Variants in SKOR1 observed in about 807,000 individuals in gnomAD.
The protein encoded by SKOR1 is SKI family transcriptional corepressor 1, also known as LBX1 corepressor 1.
In SKOR1, 38 loss-of-function variants were observed where a neutral mutation model predicts 72.4. The ratio of observed to expected loss-of-function variants is 0.52; its 90% confidence interval spans 0.40 to 0.69. The LOEUF (loss-of-function observed/expected upper bound fraction) is 0.69. Among genes scored for constraint, SKOR1 ranks in the 30% least tolerant of loss-of-function variants. The pLI is 0.00. For synonymous variants in SKOR1, 642 were observed against 599.4 expected, an observed-to-expected ratio of 1.07 and a Z score of -1.04; for missense variants, 1,320 against 1,343.2, an observed-to-expected ratio of 0.98 and a Z score of 0.27.
At chr15:67,829,028 C>A in intron 2 of SKOR1, 151 bp from the exon 3 acceptor site, 4 of 645,850 alleles carry the variant, frequency 6.2e-6, no homozygotes, top group South Asian at 6.1e-5. Flanking sequence ...AAGGGTGCGC[C>A]GCGTGCGTCA....
intron 2 of SKOR1, 44 bp downstream of exon 2, chr15:67,828,188 C>T (rs1332967874): frequency 1.4e-6 from 2 of 1,394,432 alleles, no homozygotes; most frequent in African/African-American, 3.1e-5. Flanking sequence ...TCCCACCTAC[C>T]CTGTGCGCGG....
chr15:67,827,775 C>G lies in SKOR1; in HGVS notation c.1947C>G (p.Ala649=). The G allele has an allele frequency of 6.4e-7, 1 of 1,559,882 alleles. No individual in the cohort carries two copies. Among genetic ancestry groups the G allele is most frequent in the Non-Finnish European group, 8.7e-7 (1 of 1,151,866 alleles). ...LSEGSSSYNS[A]SPDVDTADEP... is the part of the protein sequence containing the mutation. ...AGGGCAGCTCCAGCTACAATTCCGC[C>G]TCGCCCGACGTGGACACCGCGGACG... Residue 649 remains alanine, a synonymous_variant, in exon 2 of 9, where the codon GCC becomes GCG. Coordinates refer to ENST00000380035, the MANE Select transcript of SKOR1 (RefSeq NM_001365915.1).
intron 5 of SKOR1, among the ~76,000 whole-genome samples, chr15:67,831,867 A>T (rs2091009648): frequency 7.1e-6 from 1 of 140,734 alleles, no homozygotes; most frequent in African/African-American, 2.6e-5. Context: ...GGCTCTGACC[A>T]AAGCCTCCCT....
Position 67,830,874 on chromosome 15 carries a change from G to C in SKOR1, c.2572G>C (p.Glu858Gln), listed in dbSNP as rs1197821465. ...TGTHLVEKDI[E>Q]NLAREELQKL... Reference sequence around the variant, plus strand: ...AACTCATTTGGTGGAGAAAGATATCGAGAACCTGGCCAGAGGTGAGGATAA... The same window carrying C: ...AACTCATTTGGTGGAGAAAGATATCCAGAACCTGGCCAGAGGTGAGGATAA... The change falls in exon 5 of 9, where the codon GAG (glutamate) becomes CAG (glutamine). Residue 858 changes from glutamate (E) to glutamine (Q), a missense_variant. Physicochemically the swap from Glu to Gln is conservative, Grantham distance 29. Coordinates refer to ENST00000380035, the MANE Select transcript of SKOR1 (RefSeq NM_001365915.1). 1 of 1,614,152 alleles carries C rather than the reference G, an allele frequency of 6.2e-7. No homozygotes were observed. The highest frequency in any genetic ancestry group is 8.5e-7 in the Non-Finnish European group (1 of 1,180,018).
chr15:67,828,194 C>G, intron 2 of SKOR1, 50 bp downstream of exon 2: 5 of 1,380,274 alleles, frequency 3.6e-6, no homozygotes, highest in Non-Finnish European at 4.6e-6. Flanking sequence ...CTACCCTGTG[C>G]GCGGCAGGGC....
Position 67,826,146 on chromosome 15 carries a change from C to T in SKOR1, c.318C>T (p.Thr106=). 1 of 1,607,968 alleles carries T rather than the reference C, an allele frequency of 6.2e-7. No homozygotes were observed. The highest frequency in any genetic ancestry group is 8.5e-7 in the Non-Finnish European group (1 of 1,175,482). Residue 106 remains threonine, a synonymous_variant, in exon 2 of 9, where the codon ACC becomes ACT. Transcript: ENST00000380035. ...TATGCCTGGCGCAGATCTCCAACAC[C>T]CTCCTCAAGAACTACAGCTATAATG... ...ERLCLAQISN[T]LLKNYSYNEI... is the part of the protein sequence containing the mutation.
At position 67,827,452 on chromosome 15, in the gene SKOR1, G is replaced by A. The variant is rs1209882351; in HGVS notation, c.1624G>A (p.Ala542Thr). 1.3e-6 allele frequency: 2 copies of A among 1,522,570 alleles called. No homozygotes were observed. The highest frequency in any genetic ancestry group is 5.1e-5 in the East Asian group (2 of 39,374). 94.3% of individuals were successfully genotyped at this position (1,522,570 alleles called of 1,614,324 possible). A position where few individuals can be genotyped will look rare whatever the true frequency, so the allele number is the denominator to read the frequency against. The change falls in exon 2 of 9, where the codon GCC (alanine) becomes ACC (threonine). Residue 542 changes from alanine (A) to threonine (T), a missense_variant. By Grantham distance (58) the Ala-to-Thr change is moderately conservative (BLOSUM62 0). Coordinates refer to ENST00000380035, the MANE Select transcript of SKOR1 (RefSeq NM_001365915.1). The part of the protein sequence containing the change: ...APEPLDGAEP[A>T]KESGLGAEER... ...AGAGCCCCTGGACGGTGCCGAGCCA[G>A]CCAAAGAGAGTGGCCTCGGCGCGGA...
Position 67,827,507 on chromosome 15 carries a change from G to C in SKOR1, c.1679G>C (p.Gly560Ala), listed in dbSNP as rs1365409994. 4 of 1,523,266 alleles carry C rather than the reference G, an allele frequency of 2.6e-6. No individual in the cohort carries two copies. The Admixed American group carries it at 8.0e-5, about 31-fold the overall frequency. The allele number at this position is 1,523,266 out of a possible 1,614,324, so 94.4% of individuals were successfully genotyped here. The change falls in exon 2 of 9, where the codon GGG becomes GCG. Residue 560 changes from glycine to alanine, a missense_variant. Gly to Ala is a moderately conservative substitution (Grantham distance 60). Around this residue, in one of 3 missense-constraint regions of SKOR1, gnomAD observed 1,099 missense variants for 1,025.5 expected, o/e 1.07. Coordinates refer to ENST00000380035, the MANE Select transcript of SKOR1 (RefSeq NM_001365915.1). ...CGCTGCCCGAGCGCTCTGTCCCGCGGGCCCCTGGACGAAGACGGCACGGAC... is the reference window on the plus strand; with the variant it reads ...CGCTGCCCGAGCGCTCTGTCCCGCGCGCCCCTGGACGAAGACGGCACGGAC... ...EERCPSALSR[G>A]PLDEDGTDEA...
intron 2 of SKOR1, among the ~76,000 whole-genome samples, chr15:67,828,566 T>C (rs1222811823): frequency 1.3e-5 from 2 of 152,112 alleles, no homozygotes; most frequent in African/African-American, 4.8e-5. Flanking sequence ...GTGTGGCCTC[T>C]CCCTGAGTCG....
At position 67,832,729 on chromosome 15, in the gene SKOR1, C is replaced by T. The variant is rs376810635; in HGVS notation, c.2737+48C>T. On this transcript the variant is annotated intron_variant, in intron 7 of 8. Transcript: ENST00000380035. This position sits in a 1 kb window ranked among gnomAD's most constrained non-coding sequence, Gnocchi z 4.5. ...TCGTGCACGGGCCGTAACTGCCTCT[C>T]GTCTGGCAGGAGCCGCAATGTTGGC... The T allele has an allele frequency of 3.1e-5, 47 of 1,492,564 alleles. No individual in the cohort carries two copies. The African/African-American group carries it at 5.4e-4, about 17-fold the overall frequency. The allele number at this position is 1,492,564 out of a possible 1,614,324, so 92.5% of individuals were successfully genotyped here.
rs1474522014 is a variant in SKOR1 at position 67,830,240 on chromosome 15, G to A, written c.2457G>A (p.Arg819=). 6.2e-7 allele frequency: 1 copy of A among 1,614,186 alleles called. No individual in the cohort carries two copies. The highest frequency in any genetic ancestry group is 1.7e-5 in the Admixed American group (1 of 60,028). ...NHSPADDLET[R]KSYPDQRSIS... is the part of the protein sequence containing the mutation. ...CGCCCGCCGATGATTTGGAAACGAG[G>A]AAATCCTATCCAGACCAAAGGAGTA... The change falls in exon 4 of 9, where the codon AGG becomes AGA. Residue 819 remains arginine, a synonymous_variant. Transcript: ENST00000380035.
At position 67,833,905 on chromosome 15, in the gene SKOR1, G is replaced by T; in HGVS notation, c.*69G>T. The T allele has an allele frequency of 6.6e-7, 1 of 1,516,698 alleles. No individual in the cohort carries two copies. The highest frequency in any genetic ancestry group is 9.1e-7 in the Non-Finnish European group (1 of 1,104,686). The allele number at this position is 1,516,698 out of a possible 1,614,324, so 94.0% of individuals were successfully genotyped here. ...CTTGTAAATACCCGCTGCTGCGGTGGCCCTGAGCGAGGAACAAGCCATTCG... is the reference window on the plus strand; with the variant it reads ...CTTGTAAATACCCGCTGCTGCGGTGTCCCTGAGCGAGGAACAAGCCATTCG... On this transcript the variant is annotated 3_prime_UTR_variant, in exon 9 of 9. Coordinates refer to ENST00000380035, the MANE Select transcript of SKOR1 (RefSeq NM_001365915.1). This position sits in a 1 kb window ranked among gnomAD's most constrained non-coding sequence, Gnocchi z 6.0.
chr15:67,828,685 T>C (rs1212970523), intron 2 of SKOR1, among the ~76,000 whole-genome samples: 1 of 152,112 alleles, frequency 6.6e-6, no homozygotes, highest in East Asian at 1.9e-4. Context: ...GCTGGGAAGC[T>C]GTCTCGGGAC....
chr15:67,827,888 G>A lies in SKOR1; in HGVS notation c.2060G>A (p.Gly687Asp), dbSNP rs1474309163. Residue 687 changes from glycine (G) to aspartate (D), a missense_variant, in exon 2 of 9, where the codon GGC becomes GAC. This residue lies in a region of SKOR1 where 1,099 missense variants were observed against 1,025.5 expected (regional missense o/e 1.07). Coordinates refer to ENST00000380035, the MANE Select transcript of SKOR1 (RefSeq NM_001365915.1). ...GAGCCCAGCGCACCCAGCGCAGGGG[G>A]CGGCCCAGACGGTGAACAGCCCACT... ...ETEPSAPSAG[G>D]GPDGEQPTGP... The A allele has an allele frequency of 6.2e-7, 1 of 1,600,358 alleles. No homozygotes were observed. Among genetic ancestry groups the A allele is most frequent in the Admixed American group, 1.7e-5 (1 of 58,074 alleles).
chr15:67,827,148 C>T lies in SKOR1; in HGVS notation c.1320C>T (p.Gly440=), dbSNP rs774959167. 1 of 1,362,098 alleles carries T rather than the reference C, an allele frequency of 7.3e-7. No homozygotes were observed. Among genetic ancestry groups the T allele is most frequent in the Non-Finnish European group, 9.4e-7 (1 of 1,068,558 alleles). 84.4% of individuals were successfully genotyped at this position (1,362,098 alleles called of 1,614,324 possible). Residue 440 remains glycine (G), a synonymous_variant, in exon 2 of 9, where the codon GGC becomes GGT. Coordinates refer to ENST00000380035, the MANE Select transcript of SKOR1 (RefSeq NM_001365915.1). ...GGAGTGGGAG[G]PGASHLPPGA... Reference sequence around the variant, plus strand: ...CGGGGACAGGCGGGGGTGCGGGGGGCCCGGGAGCCAGCCACTTGCCCCCGG... The same window carrying T: ...CGGGGACAGGCGGGGGTGCGGGGGGTCCGGGAGCCAGCCACTTGCCCCCGG...
Position 67,826,181 on chromosome 15 carries a change from A to T in SKOR1, c.353A>T (p.Asn118Ile). The stretch of plus-strand genomic sequence containing the variant: ...AACTACAGCTATAATGAGATCCACA[A>T]CCGCCGCGTGGCCCTGGGCATCACG... The part of the protein sequence containing the change: ...LKNYSYNEIH[N>I]RRVALGITCV... The change falls in exon 2 of 9, where the codon AAC (asparagine) becomes ATC (isoleucine). Residue 118 changes from asparagine to isoleucine, a missense_variant. Asn to Ile is a moderately radical substitution (Grantham distance 149). This residue lies in a region of SKOR1 where 101 missense variants were observed against 212.8 expected (regional missense o/e 0.47). Coordinates refer to ENST00000380035, the MANE Select transcript of SKOR1 (RefSeq NM_001365915.1). 4 of 1,613,054 alleles carry T rather than the reference A, an allele frequency of 2.5e-6. No homozygotes were observed. Among genetic ancestry groups the T allele is most frequent in the Non-Finnish European group, 3.4e-6 (4 of 1,179,688 alleles).
Position 67,833,457 on chromosome 15 carries a change from T to C in SKOR1, c.2803+200T>C, listed in dbSNP as rs2091024304. Among the ~76,000 whole-genome samples, 1 of 152,212 alleles carries C rather than the reference T, an allele frequency of 6.6e-6. No individual in the cohort carries two copies. Among genetic ancestry groups the C allele is most frequent in the Admixed American group, 6.5e-5 (1 of 15,290 alleles). ...TAAAAAGAAAGAGCCCCTTGGGCTT[T>C]GGACGTCAGAAAAATCTGCCTTCTA... On this transcript the variant is annotated intron_variant, in intron 8 of 8. Coordinates refer to ENST00000380035, the MANE Select transcript of SKOR1 (RefSeq NM_001365915.1). This position sits in a 1 kb window ranked among gnomAD's most constrained non-coding sequence, Gnocchi z 6.0.
rs551214173 is a variant in SKOR1, at chr15:67,827,982, C to T, written c.2154C>T (p.Arg718=). 57 of 1,539,136 alleles carry T rather than the reference C, an allele frequency of 3.7e-5. No homozygotes were observed. In the East Asian group the frequency reaches 1.1e-3, roughly 31 times the overall value. The change falls in exon 2 of 9, where the codon CGC becomes CGT. Residue 718 remains arginine, a synonymous_variant. Coordinates refer to ENST00000380035, the MANE Select transcript of SKOR1 (RefSeq NM_001365915.1). ...PANSPDGGSP[R]PRRRLGPPPA... is the part of the protein sequence containing the mutation. ...ACTCTCCCGACGGCGGCAGCCCCCGCCCCCGGCGCCGCCTCGGGCCACCCC... is the reference window on the plus strand; with the variant it reads ...ACTCTCCCGACGGCGGCAGCCCCCGTCCCCGGCGCCGCCTCGGGCCACCCC...
At position 67,826,665 on chromosome 15, in the gene SKOR1, C is replaced by T. The variant is rs2090960528; in HGVS notation, c.837C>T (p.Thr279=). 1.2e-6 allele frequency: 2 copies of T among 1,600,270 alleles called. No homozygotes were observed. Among genetic ancestry groups the T allele is most frequent in the Non-Finnish European group, 8.5e-7 (1 of 1,173,650 alleles). ...TTAATGGCGGCACGCGCAAGCGGACCTTCTCCCTACAAGGAGGCGGCGGAG... is the reference window on the plus strand; with the variant it reads ...TTAATGGCGGCACGCGCAAGCGGACTTTCTCCCTACAAGGAGGCGGCGGAG... ...AMFNGGTRKR[T]FSLQGGGGGG... Residue 279 remains threonine, a synonymous_variant, in exon 2 of 9, where the codon ACC becomes ACT. Coordinates refer to ENST00000380035, the MANE Select transcript of SKOR1 (RefSeq NM_001365915.1).
Sources: gnomAD v4.1 joint callset for allele counts (sites outside exome capture counted in the v4.1 genomes callset) on GRCh38, gnomAD v4.1.1 for gene constraint, gnomAD v4.1.1 regional missense constraint, Gnocchi (gnomAD v3.1) non-coding constraint, MANE v1.5 for transcripts, NCBI Gene and HGNC (gene_info 2026-07-23, HGNC 2026-07-21) for gene names.